VDAC2: variants seen among roughly 807,000 people sequenced by gnomAD.
VDAC2 encodes the protein voltage dependent anion channel 2.
In VDAC2, 6 loss-of-function variants were observed where a neutral mutation model predicts 36.6. The ratio of observed to expected loss-of-function variants is 0.16; its 90% CI spans 0.09 to 0.32. The LOEUF is 0.32. Among genes scored for constraint, VDAC2 ranks in the 10% least tolerant of loss-of-function variants. The pLI is 1.00. For missense variants in VDAC2, 247 were observed against 346.0 expected (o/e 0.71, Z 2.27); for synonymous variants, 109 against 123.8 (o/e 0.88, Z 0.79).
In VDAC2 at chr10:75,213,971, C is replaced by T. The variant is rs767037364; in HGVS notation, c.101-50C>T. On this transcript the variant is annotated intron_variant, in intron 3 of 9. Coordinates refer to ENST00000332211, the MANE Select transcript of VDAC2 (RefSeq NM_001391963.1). ...TGTATAGTCAACAATTGCTATGCAT[C>T]TTTCATACAAAGGAATCATTTTGTT... 20 of 1,591,166 alleles carry T rather than the reference C, an allele frequency of 1.3e-5. No individual in the cohort carries two copies. In the South Asian group the frequency reaches 2.2e-4, roughly 18 times the overall value.
rs989209619 is a variant in VDAC2 at position 75,231,022 on chromosome 10, C to G, written c.*33C>G. ...GAAAGAAACCTTTGGGAATGGATAT[C>G]AGAAGATTTGGCCTTAATATATTTC... On this transcript the variant is annotated 3_prime_UTR_variant, in exon 10 of 10. Coordinates refer to ENST00000332211, the MANE Select transcript of VDAC2 (RefSeq NM_001391963.1). The G allele has an allele frequency of 6.5e-7, 1 of 1,546,278 alleles. No homozygotes were observed. The highest frequency in any genetic ancestry group is 1.4e-5 in the African/African-American group (1 of 73,416).
intron 4 of VDAC2, chr10:75,217,878 C>G (rs979838706): frequency 1.6e-6 from 2 of 1,258,276 alleles, no homozygotes; most frequent in South Asian, 2.6e-5. Context: ...TGATATTTCT[C>G]ACTCTACAGA....
chr10:75,222,991 T>G (rs1483623993), intron 8 of VDAC2, among the ~76,000 whole-genome samples: 1 of 151,232 alleles, frequency 6.6e-6, no homozygotes, highest in Non-Finnish European at 1.5e-5. Flanking sequence ...TTTTTTTTTT[T>G]TTTTCTTTTT....
intron 4 of VDAC2, among the ~76,000 whole-genome samples, chr10:75,215,018 A>G (rs768454671): frequency 4.0e-5 from 6 of 151,856 alleles, no homozygotes; most frequent in South Asian, 2.1e-4. Flanking sequence ...GGCTCAAGCA[A>G]TCTTCCCACC....
chr10:75,222,547 T>A (rs1271133225), intron 8 of VDAC2, 145 bp downstream of exon 8: 3 of 1,158,288 alleles, frequency 2.6e-6, no homozygotes, highest in Non-Finnish European at 3.7e-6. Flanking sequence ...AATGCGCTTT[T>A]TTGATGGATA....
intron 8 of VDAC2, among the ~76,000 whole-genome samples, chr10:75,227,577 A>ATTTTTTTTTTTTTTTTTTTT (rs35378957): frequency 6.0e-5 from 6 of 99,932 alleles, no homozygotes; most frequent in African/African-American, 2.7e-4. Context: ...AATAATAGGA[A>ATTTTTTTTTTTTTTTTTTTT]TTTTTTTTTT....
chr10:75,218,963 A>G, intron 4 of VDAC2, 100 bp from the exon 5 acceptor site: 6 of 1,268,600 alleles, frequency 4.7e-6, no homozygotes, highest in Non-Finnish European at 5.4e-6. Flanking sequence ...TCATGAATTT[A>G]CCAAATGTTT....
At chr10:75,211,027 G>A (rs937478160) in intron 1 of VDAC2, 89 bp downstream of exon 1, 5 of 1,113,614 alleles carry the variant, frequency 4.5e-6, no homozygotes, top group Non-Finnish European at 3.7e-6. Flanking sequence ...GTCGGCCCTG[G>A]CTTCCTAAGA....
chr10:75,215,373 A>G (rs541382101), intron 4 of VDAC2, among the ~76,000 whole-genome samples: 101 of 149,728 alleles, frequency 6.7e-4, no homozygotes, highest in African/African-American at 1.1e-3. Context: ...TTTTTTTGAG[A>G]CGGAGTCTTG....
intron 7 of VDAC2, 186 bp downstream of exon 7, chr10:75,221,156 G>T (rs1018345399): frequency 3.5e-6 from 2 of 576,248 alleles, no homozygotes; most frequent in Middle Eastern, 4.6e-4. Context: ...CTGACCTTTG[G>T]TGCTGAGAGA....
At chr10:75,223,044 G>C (rs113792973) in intron 8 of VDAC2, among the ~76,000 whole-genome samples, 13,186 of 150,132 alleles carry the variant, frequency 0.088, 864 homozygotes, top group African/African-American at 0.18. Context: ...GCAGTAGTGC[G>C]ATCTTGGCTC....
intron 4 of VDAC2, among the ~76,000 whole-genome samples, chr10:75,217,414 A>G (rs774936742): frequency 6.6e-6 from 1 of 152,196 alleles, no homozygotes; most frequent in Non-Finnish European, 1.5e-5. Flanking sequence ...CACTCACTCC[A>G]TCACTCAAGC....
chr10:75,218,104 ATTCAG>A, intron 4 of VDAC2: 1 of 386,822 alleles, frequency 2.6e-6, no homozygotes, highest in Non-Finnish European at 4.8e-6. Flanking sequence ...AAAAAAAAAA[ATTCAG>A]ATAAGCCCTC....
At chr10:75,211,402 C>T in intron 2 of VDAC2, 2 of 1,439,490 alleles carry the variant, frequency 1.4e-6, no homozygotes. Flanking sequence ...GGTCTGTGGC[C>T]GCATGGACTT....
intron 8 of VDAC2, chr10:75,229,437 A>G: frequency 2.3e-6 from 1 of 439,342 alleles, no homozygotes. Flanking sequence ...TATCAAGAGT[A>G]TTGTGTCCTA....
intron 2 of VDAC2, 23 bp from the exon 3 acceptor site, chr10:75,212,207 C>A (rs1841445047): frequency 6.2e-7 from 1 of 1,608,602 alleles, no homozygotes. Context: ...GACATTAACA[C>A]TGGAATGTTT....
chr10:75,212,284 T>C lies in VDAC2; in HGVS notation c.86T>C (p.Phe29Ser), dbSNP rs1321118241. The C allele has an allele frequency of 1.2e-6, 2 of 1,613,364 alleles. No homozygotes were observed. Among genetic ancestry groups the C allele is most frequent in the Admixed American group, 3.3e-5 (2 of 59,880 alleles). The change falls in exon 3 of 10, where the codon TTC becomes TCC. Residue 29 changes from phenylalanine to serine, a missense_variant. Physicochemically the swap from Phe to Ser is radical, Grantham distance 155. Around this residue, in one of 3 missense-constraint regions of VDAC2, gnomAD observed 76 missense variants for 76.9 expected, o/e 0.99. Transcript: ENST00000332211. ...ADLGKAARDI[F>S]NKGFGFGLVK... ...CTTGGCAAAGCTGCCAGAGATATTT[T>C]CAACAAAGGATTTGGTAAGAACCTT...
chr10:75,222,658 C>G (rs1841848404), intron 8 of VDAC2, among the ~76,000 whole-genome samples: 1 of 152,172 alleles, frequency 6.6e-6, no homozygotes, highest in African/African-American at 2.4e-5. Flanking sequence ...ATAGGCCTGT[C>G]TAAGTCCAGG....
Position 75,219,101 on chromosome 10 carries a change from T to G in VDAC2, c.189T>G (p.Gly63=). The G allele has an allele frequency of 6.2e-7, 1 of 1,612,170 alleles. No homozygotes were observed. The highest frequency in any genetic ancestry group is 8.5e-7 in the Non-Finnish European group (1 of 1,179,634). Residue 63 remains glycine (G), a synonymous_variant, in exon 5 of 10, where the codon GGT becomes GGG. Coordinates refer to ENST00000332211, the MANE Select transcript of VDAC2 (RefSeq NM_001391963.1). ...CCGGTTCATCTAATACAGACACTGG[T>G]AAAGTTACTGGGACCTTGGAGACCA... ...STSGSSNTDT[G]KVTGTLETKY...
Sources: gnomAD v4.1 joint callset for allele counts (sites outside exome capture counted in the v4.1 genomes callset) on GRCh38, gnomAD v4.1.1 for gene constraint, gnomAD v4.1.1 regional missense constraint, MANE v1.5 for transcripts, NCBI Gene and HGNC (gene_info 2026-07-23, HGNC 2026-07-21) for gene names.